Variants in PELI2 observed in about 807,000 individuals in gnomAD.
PELI2 encodes the protein pellino E3 ubiquitin protein ligase family member 2, also known as E3 ubiquitin-protein ligase pellino homolog 2.
PELI2 carries 23 observed loss-of-function variants against 42.3 expected under a neutral mutation model. The ratio of observed to expected loss-of-function variants is 0.54; its 90% CI spans 0.39 to 0.77. PELI2 has a LOEUF of 0.77. Among genes scored for constraint, PELI2 ranks in the 30% least tolerant of loss-of-function variants. The probability of loss-of-function intolerance (pLI) is 0.00; values close to 1 mark genes in which losing one functional copy is unlikely to be tolerated. For missense variants in PELI2, 463 were observed against 553.2 expected (o/e 0.84, Z 1.64); for synonymous variants, 245 against 212.2 (o/e 1.15, Z -1.34).
At chr14:56,164,936 T>A (rs1285894794) in intron 1 of PELI2, among the ~76,000 whole-genome samples, 1 of 151,734 alleles carries the variant, frequency 6.6e-6, no homozygotes, top group African/African-American at 2.4e-5. Flanking sequence ...TCTTTTTTCT[T>A]AGTGTGGCTA....
At chr14:56,125,306 C>CT (rs1392946359) in intron 1 of PELI2, among the ~76,000 whole-genome samples, 3 of 150,162 alleles carry the variant, frequency 2.0e-5, no homozygotes, top group Non-Finnish European at 3.0e-5. Context: ...TGGAGCTTAC[C>CT]TTTTTTTGAG....
At chr14:56,174,682 T>C (rs1297363074) in intron 1 of PELI2, among the ~76,000 whole-genome samples, 1 of 152,182 alleles carries the variant, frequency 6.6e-6, no homozygotes, top group Non-Finnish European at 1.5e-5. Context: ...GAGAAGAAGG[T>C]GATTGTTTCC....
At chr14:56,123,850 T>C (rs530262936) in intron 1 of PELI2, among the ~76,000 whole-genome samples, 2 of 152,330 alleles carry the variant, frequency 1.3e-5, no homozygotes, top group African/African-American at 4.8e-5. Context: ...AAGACCAATA[T>C]TGTCACATTG....
intron 1 of PELI2, among the ~76,000 whole-genome samples, chr14:56,139,198 G>T (rs145641138): frequency 6.6e-6 from 1 of 152,122 alleles, no homozygotes; most frequent in Non-Finnish European, 1.5e-5. Flanking sequence ...GAGATAGAAC[G>T]GGAGGAAGGA....
chr14:56,119,421 C>T (rs926685353), intron 1 of PELI2, among the ~76,000 whole-genome samples: 4 of 152,212 alleles, frequency 2.6e-5, no homozygotes, highest in East Asian at 3.9e-4. Context: ...TGCGGCTGCT[C>T]GGGGCCTGGC....
At position 56,198,010 on chromosome 14, in the gene PELI2, A is replaced by ACACACACACACACACCCC. The variant is rs772024884; in HGVS notation, c.207+19549_207+19550insACACACACACACCCCCAC. Among the ~76,000 whole-genome samples, 7 of 114,616 alleles carry ACACACACACACACACCCC rather than the reference A, an allele frequency of 6.1e-5. No homozygotes were observed. The East Asian group carries it at 8.6e-4, about 14-fold the overall frequency. The allele number at this position is 114,616 out of a possible 152,430, so 75.2% of individuals were successfully genotyped here. A position where few individuals can be genotyped will look rare whatever the true frequency, so the allele number is the denominator to read the frequency against. ...CACACACACACACACACACACACAC[A>ACACACACACACACACCCC]CACCCACCTCTTTGGTCCACTTCTC... On this transcript the variant is annotated intron_variant, in intron 2 of 5. Coordinates refer to ENST00000267460, the MANE Select transcript of PELI2 (RefSeq NM_021255.3).
chr14:56,241,620 A>AT (rs1325112576), intron 2 of PELI2, among the ~76,000 whole-genome samples: 1 of 152,078 alleles, frequency 6.6e-6, no homozygotes. Context: ...TACATTAACA[A>AT]TTTTTTTAAA....
intron 2 of PELI2, among the ~76,000 whole-genome samples, chr14:56,226,765 AT>A (rs1887371641): frequency 6.6e-6 from 1 of 152,184 alleles, no homozygotes; most frequent in African/African-American, 2.4e-5. Flanking sequence ...ATGAAATGAT[AT>A]TTTGTTTGTT....
intron 2 of PELI2, among the ~76,000 whole-genome samples, chr14:56,215,240 A>C (rs890206987): frequency 6.6e-6 from 1 of 152,236 alleles, no homozygotes; most frequent in African/African-American, 2.4e-5. Flanking sequence ...TCTCTAGGAA[A>C]TAATTCTGTA....
intron 3 of PELI2, 115 bp downstream of exon 3, chr14:56,279,892 A>G: frequency 2.2e-6 from 1 of 447,088 alleles, no homozygotes; most frequent in Non-Finnish European, 3.9e-6. Context: ...GTTGAAGATA[A>G]TATAAAAATT....
chr14:56,270,273 T>C (rs534932870), intron 2 of PELI2, among the ~76,000 whole-genome samples: 1 of 152,234 alleles, frequency 6.6e-6, no homozygotes, highest in African/African-American at 2.4e-5. Context: ...GACTTTCTTA[T>C]CGTGGCCATG....
intron 2 of PELI2, among the ~76,000 whole-genome samples, chr14:56,269,220 C>T (rs903084512): frequency 3.3e-5 from 5 of 152,088 alleles, no homozygotes; most frequent in Non-Finnish European, 7.4e-5. Flanking sequence ...GCAGACAGAT[C>T]GCTTGAGCCT....
At position 56,274,333 on chromosome 14, in the gene PELI2, AAATT is replaced by A. The variant is rs1889215287; in HGVS notation, c.208-5339_208-5336del. Among the ~76,000 whole-genome samples, 3 of 152,306 alleles carry A rather than the reference AAATT, an allele frequency of 2.0e-5. No individual in the cohort carries two copies. In the South Asian group the frequency reaches 6.2e-4, roughly 32 times the overall value. On this transcript the variant is annotated intron_variant, in intron 2 of 5. Coordinates refer to ENST00000267460, the MANE Select transcript of PELI2 (RefSeq NM_021255.3). ...AAATGGGCTAAATCATAACTATAAT[AAATT>A]AATATTTTCTGGATATGTGTTAGTT...
intron 2 of PELI2, among the ~76,000 whole-genome samples, chr14:56,209,730 A>G (rs1015162245): frequency 1.3e-5 from 2 of 152,212 alleles, no homozygotes; most frequent in African/African-American, 4.8e-5. Flanking sequence ...TTGAGAACCA[A>G]TGATTTGAAT....
intron 2 of PELI2, among the ~76,000 whole-genome samples, chr14:56,202,162 TG>T (rs775328299): frequency 2.0e-5 from 3 of 152,198 alleles, no homozygotes; most frequent in Non-Finnish European, 2.9e-5. Context: ...AGGTATTTGT[TG>T]TTGTTGTTGT....
At chr14:56,149,988 G>A (rs576328806) in intron 1 of PELI2, among the ~76,000 whole-genome samples, 2 of 152,228 alleles carry the variant, frequency 1.3e-5, no homozygotes, top group East Asian at 3.9e-4. Context: ...TAGTGGATGG[G>A]ATTAATGGTT....
chr14:56,285,833 G>C lies in PELI2; in HGVS notation c.310-2604G>C, dbSNP rs139759519. The stretch of plus-strand genomic sequence containing the variant: ...CAGAGAAACAGGGCTGGAGCCTGGG[G>C]CTTGCTTGCAGGTGAAGGAAAGCGT... On this transcript the variant is annotated intron_variant, in intron 3 of 5. Coordinates refer to ENST00000267460, the MANE Select transcript of PELI2 (RefSeq NM_021255.3). Among the ~76,000 whole-genome samples the C allele has an allele frequency of 3.4e-3, 510 of 152,206 alleles. 2 individuals are homozygous for C. Among genetic ancestry groups the C allele is most frequent in the Non-Finnish European group, 5.1e-3 (346 of 67,998 alleles).
At chr14:56,179,663 G>T (rs1056161275) in intron 2 of PELI2, among the ~76,000 whole-genome samples, 6 of 152,220 alleles carry the variant, frequency 3.9e-5, no homozygotes, top group African/African-American at 1.4e-4. Context: ...ACTTTACGAA[G>T]ATTCTGAGGA....
rs201811872 is a variant in PELI2, at chr14:56,291,516, T to TA, written c.696+1069dup. On this transcript the variant is annotated intron_variant, in intron 5 of 5. Transcript: ENST00000267460. ...CTGAATAAATATGAGAAGCATTTTCTAAAAAAAAAGCAAATTCAATAAATT... is the reference window on the plus strand; with the variant it reads ...CTGAATAAATATGAGAAGCATTTTCTAAAAAAAAAAGCAAATTCAATAAATT... Among the ~76,000 whole-genome samples, 11 of 151,058 alleles carry TA rather than the reference T, an allele frequency of 7.3e-5. 1 individual carries two copies. Among genetic ancestry groups the TA allele is most frequent in the South Asian group, 2.1e-4 (1 of 4,772 alleles).
Sources: gnomAD v4.1 joint callset for allele counts (sites outside exome capture counted in the v4.1 genomes callset) on GRCh38, gnomAD v4.1.1 for gene constraint, MANE v1.5 for transcripts, NCBI Gene and HGNC (gene_info 2026-07-23, HGNC 2026-07-21) for gene names.